The following PRPF31 variants were observed in gnomAD, a reference collection of about 807,000 sequenced individuals.
The protein encoded by PRPF31 is U4/U6 small nuclear ribonucleoprotein Prp31.
A neutral mutation model predicts 60.4 loss-of-function variants in PRPF31; 12 were observed. The observed-to-expected ratio is 0.20, with a 90% CI of 0.13 to 0.32. The LOEUF (loss-of-function observed/expected upper bound fraction) is 0.32. Ranked by LOEUF, PRPF31 falls within the 10% of genes least tolerant of loss-of-function variation. The pLI, the probability that PRPF31 is intolerant of heterozygous loss-of-function variation, is 1.00. For synonymous variants in PRPF31, 287 were observed against 287.9 expected (o/e 1.00, Z 0.03); for missense variants, 431 against 687.1 (o/e 0.63, Z 4.17).
chr19:54,124,525 T>A lies in PRPF31; in HGVS notation c.724T>A (p.Ser242Thr), dbSNP rs753164653. ...TGTGGCCGGCGGCCTGACCAACCTC[T>A]CCAAGATGCCCGCCTGCAACATCAT... is the stretch of plus-strand genomic sequence containing the variant. The part of the protein sequence containing the change: ...MGVAGGLTNL[S>T]KMPACNIMLL... Residue 242 changes from serine to threonine, a missense_variant, in exon 8 of 14, where the codon TCC becomes ACC. This residue lies in a region of PRPF31 where 314 missense variants were observed against 475.3 expected (regional missense o/e 0.66). Coordinates refer to ENST00000321030, the MANE Select transcript of PRPF31 (RefSeq NM_015629.4). 7 of 1,605,920 alleles carry A rather than the reference T, an allele frequency of 4.4e-6. No homozygotes were observed. The highest frequency in any genetic ancestry group is 5.9e-6 in the Non-Finnish European group (7 of 1,177,710).
At chr19:54,125,695 G>T (rs182396783) in intron 8 of PRPF31, among the ~76,000 whole-genome samples, 1 of 152,176 alleles carries the variant, frequency 6.6e-6, no homozygotes, top group African/African-American at 2.4e-5. Context: ...GCCCTGTGTG[G>T]GGTTTTTTTT....
intron 5 of PRPF31, chr19:54,123,160 A>G: frequency 7.1e-6 from 4 of 559,992 alleles, no homozygotes; most frequent in Non-Finnish European, 9.6e-6. Context: ...GCGGATTTGC[A>G]CTCCGACTTG....
chr19:54,123,118 C>T (rs774259271), intron 5 of PRPF31: 35 of 512,250 alleles, frequency 6.8e-5, no homozygotes, highest in African/African-American at 2.9e-4. Context: ...ATTAGGATGG[C>T]GGTGGGGAAG....
intron 7 of PRPF31, 145 bp from the exon 8 acceptor site, chr19:54,124,354 C>T: frequency 2.4e-6 from 2 of 847,968 alleles, no homozygotes; most frequent in Non-Finnish European, 3.9e-6. Context: ...GGCCAGGTCG[C>T]CCGCCTGGCA....
At position 54,124,606 on chromosome 19, in the gene PRPF31, C is replaced by A; in HGVS notation, c.805C>A (p.Pro269Thr). Reference sequence around the variant, plus strand: ...GGGCTTCTCGTCTACCTCAGTGCTGCCCCACACCGGCTACATCTACCACAG... The same window carrying A: ...GGGCTTCTCGTCTACCTCAGTGCTGACCCACACCGGCTACATCTACCACAG... ...LSGFSSTSVL[P>T]HTGYIYHSDI... is the part of the protein sequence containing the mutation. The change falls in exon 8 of 14, where the codon CCC becomes ACC. Residue 269 changes from proline (P) to threonine (T), a missense_variant. Around this residue, in one of 4 missense-constraint regions of PRPF31, gnomAD observed 314 missense variants for 475.3 expected, o/e 0.66. Transcript: ENST00000321030. 6.2e-7 allele frequency: 1 copy of A among 1,613,628 alleles called. No homozygotes were observed.
In PRPF31 at chr19:54,128,285, GCCCACCCACCCGT is replaced by G; in HGVS notation, c.1074-16_1074-4del. 1 of 1,540,486 alleles carries G rather than the reference GCCCACCCACCCGT, an allele frequency of 6.5e-7. No homozygotes were observed. The highest frequency in any genetic ancestry group is 2.2e-4 in the Middle Eastern group (1 of 4,552). On this transcript the variant is annotated splice_polypyrimidine_tract_variant and splice_region_variant and intron_variant, in intron 10 of 13. Transcript: ENST00000321030. Reference sequence around the variant, plus strand: ...TCCTCCCAGCCGACTCCCTGGCGCCGCCCACCCACCCGTCCCCAGGTACCGCAAGATGAAGGAG... The same window carrying G: ...TCCTCCCAGCCGACTCCCTGGCGCCGCCCCAGGTACCGCAAGATGAAGGAG...
In PRPF31 at chr19:54,123,514, A is replaced by G; in HGVS notation, c.481A>G (p.Asn161Asp). The G allele has an allele frequency of 6.2e-7, 1 of 1,614,172 alleles. No individual in the cohort carries two copies. The highest frequency in any genetic ancestry group is 2.2e-5 in the East Asian group (1 of 44,884). ...TGAGAACCTGCAGCAGATCCTCACC[A>G]ATGCCACCATCATGGTCGTCAGCGT... ...NNENLQQILTNATIMVVSVTA... is the reference protein window; with the variant it reads ...NNENLQQILTDATIMVVSVTA... Residue 161 changes from asparagine to aspartate, a missense_variant, in exon 6 of 14, where the codon AAT becomes GAT. Transcript: ENST00000321030.
At position 54,131,564 on chromosome 19, in the gene PRPF31, A is replaced by C. The variant is rs2074048335; in HGVS notation, c.*132A>C. 3 of 1,421,764 alleles carry C rather than the reference A, an allele frequency of 2.1e-6. No homozygotes were observed. The allele number at this position is 1,421,764 out of a possible 1,614,324, so 88.1% of individuals were successfully genotyped here. A position where few individuals can be genotyped will look rare whatever the true frequency, so the allele number is the denominator to read the frequency against. On this transcript the variant is annotated 3_prime_UTR_variant, in exon 14 of 14. Coordinates refer to ENST00000321030, the MANE Select transcript of PRPF31 (RefSeq NM_015629.4). ...GCCCCATTGCTGGGACTGCCCAGGG[A>C]GGAGGCCTTGGAAGAGTCCGGCCTG... is the stretch of plus-strand genomic sequence containing the variant.
At position 54,128,035 on chromosome 19, in the gene PRPF31, C is replaced by A. The variant is rs587680646; in HGVS notation, c.946-38C>A. 66 of 1,548,050 alleles carry A rather than the reference C, an allele frequency of 4.3e-5. No individual in the cohort carries two copies. The African/African-American group carries it at 8.4e-4, about 20-fold the overall frequency. ...AGAGGAGGCCTGGGTGGGCAGCCCA[C>A]GCGAGCAGCTGCAGGACCTCCCCCT... is the stretch of plus-strand genomic sequence containing the variant. On this transcript the variant is annotated intron_variant, in intron 9 of 13. Coordinates refer to ENST00000321030, the MANE Select transcript of PRPF31 (RefSeq NM_015629.4).
Position 54,123,472 on chromosome 19 carries a change from G to A in PRPF31, c.439G>A (p.Asp147Asn). 6.2e-7 allele frequency: 1 copy of A among 1,614,132 alleles called. No individual in the cohort carries two copies. Among genetic ancestry groups the A allele is most frequent in the Non-Finnish European group, 8.5e-7 (1 of 1,180,010 alleles). ...RTVKELGNSL[D>N]KCKNNENLQQ... ...CCCCCAGGAGCTGGGCAACAGCCTGGACAAGTGCAAGAACAATGAGAACCT... is the reference window on the plus strand; with the variant it reads ...CCCCCAGGAGCTGGGCAACAGCCTGAACAAGTGCAAGAACAATGAGAACCT... Residue 147 changes from aspartate to asparagine, a missense_variant, in exon 6 of 14, where the codon GAC becomes AAC. Physicochemically the swap from Asp to Asn is conservative, Grantham distance 23. This residue lies in a region of PRPF31 where 113 missense variants were observed against 173.8 expected (regional missense o/e 0.65). Transcript: ENST00000321030.
chr19:54,131,550 G>A lies in PRPF31; in HGVS notation c.*118G>A. On this transcript the variant is annotated 3_prime_UTR_variant, in exon 14 of 14. Transcript: ENST00000321030. ...CTGCCCTGCCACTGGCCCCATTGCT[G>A]GGACTGCCCAGGGAGGAGGCCTTGG... 6.8e-7 allele frequency: 1 copy of A among 1,476,960 alleles called. No homozygotes were observed. The highest frequency in any genetic ancestry group is 1.2e-5 in the South Asian group (1 of 83,432). The allele number at this position is 1,476,960 out of a possible 1,614,324, so 91.5% of individuals were successfully genotyped here. A position where few individuals can be genotyped will look rare whatever the true frequency, so the allele number is the denominator to read the frequency against.
Position 54,123,258 on chromosome 19 carries a change from T to C in PRPF31, c.421-196T>C. 3 of 634,788 alleles carry C rather than the reference T, an allele frequency of 4.7e-6. 1 individual carries two copies. The South Asian group carries it at 5.4e-5, about 11-fold the overall frequency. The allele number at this position is 634,788 out of a possible 1,614,324, so 39.3% of individuals were successfully genotyped here. A position where few individuals can be genotyped will look rare whatever the true frequency, so the allele number is the denominator to read the frequency against. On this transcript the variant is annotated intron_variant, in intron 5 of 13. Transcript: ENST00000321030. ...TCCAGGTCAGCGAAAGCAGGGCAGA[T>C]GGTGTGGATGCTTGACGTGGTGGAG... is the stretch of plus-strand genomic sequence containing the variant.
intron 8 of PRPF31, 89 bp downstream of exon 8, chr19:54,124,745 C>G (rs1359566993): frequency 1.4e-6 from 2 of 1,458,880 alleles, no homozygotes; most frequent in Non-Finnish European, 1.9e-6. Context: ...CACCATCTGG[C>G]CCAGCTGACG....
rs760507738 is a variant in PRPF31 at position 54,122,189 on chromosome 19, C to T, written c.322+246C>T. 1.4e-4 allele frequency: 88 copies of T among 628,860 alleles called. 2 individuals are homozygous for T. In the Middle Eastern group the frequency reaches 3.4e-3, roughly 24 times the overall value. 39.0% of individuals were successfully genotyped at this position (628,860 alleles called of 1,614,324 possible). On this transcript the variant is annotated intron_variant, in intron 4 of 13. Coordinates refer to ENST00000321030, the MANE Select transcript of PRPF31 (RefSeq NM_015629.4). ...CCCCGGCTCTTTCCATCCTGTTGGT[C>T]GGCCACCTGCCTCACGGTGCGAGGT... is the stretch of plus-strand genomic sequence containing the variant.
chr19:54,118,848 C>G, intron 3 of PRPF31: 1 of 606,750 alleles, frequency 1.6e-6, no homozygotes, highest in Admixed American at 3.0e-5. Flanking sequence ...GCTGAGCTTA[C>G]TGATCATGAT....
chr19:54,129,688 C>T (rs77666982), intron 13 of PRPF31, among the ~76,000 whole-genome samples: 1,958 of 141,198 alleles, frequency 0.014, 52 homozygotes, highest in African/African-American at 0.049. Context: ...CAGTTCAAAA[C>T]GGCCAGGACG....
At chr19:54,124,110 C>A in intron 7 of PRPF31, 192 bp downstream of exon 7, 1 of 1,166,168 alleles carries the variant, frequency 8.6e-7, no homozygotes, top group Non-Finnish European at 1.2e-6. Context: ...TCACCCACAG[C>A]TCCTTCTCCC....
At chr19:54,129,419 GC>G in intron 13 of PRPF31, 49 bp downstream of exon 13, 1 of 1,543,124 alleles carries the variant, frequency 6.5e-7, no homozygotes, top group Non-Finnish European at 8.7e-7. Flanking sequence ...CCTTGGCAAG[GC>G]CCCTTGCCCT....
chr19:54,121,930 C>T lies in PRPF31; in HGVS notation c.309C>T (p.Ile103=), dbSNP rs369235066. 5.6e-6 allele frequency: 9 copies of T among 1,611,920 alleles called. No individual in the cohort carries two copies. The highest frequency in any genetic ancestry group is 6.8e-6 in the Non-Finnish European group (8 of 1,179,268). The change falls in exon 4 of 14, where the codon ATC becomes ATT. Residue 103 remains isoleucine (I), a synonymous_variant. Transcript: ENST00000321030. Reference sequence around the variant, plus strand: ...ATGCCAACAACCTGACCGTGGAGATCGAAAACGAGCTGAGTGAGTGCTGGG... The same window carrying T: ...ATGCCAACAACCTGACCGTGGAGATTGAAAACGAGCTGAGTGAGTGCTGGG... ...IVDANNLTVE[I]ENELNIIHKF... is the part of the protein sequence containing the mutation.
Sources: gnomAD v4.1 joint callset for allele counts (sites outside exome capture counted in the v4.1 genomes callset) on GRCh38, gnomAD v4.1.1 for gene constraint, gnomAD v4.1.1 regional missense constraint, MANE v1.5 for transcripts, NCBI Gene and HGNC (gene_info 2026-07-23, HGNC 2026-07-21) for gene names.